Variants in ZNF407 observed in about 807,000 individuals in gnomAD.
ZNF407 encodes zinc finger protein 407.
A neutral mutation model predicts 131.2 loss-of-function variants in ZNF407; 17 were observed. The ratio of observed to expected loss-of-function variants is 0.13; its 90% confidence interval spans 0.09 to 0.19. The LOEUF (loss-of-function observed/expected upper bound fraction) is 0.19, where lower values mean the gene tolerates loss of function less well. ZNF407 is among the 10% of genes least tolerant of loss of function. ZNF407 has a pLI of 1.00. For missense variants in ZNF407, 2,681 were observed against 2,830.6 expected, an observed-to-expected ratio of 0.95 and a Z score of 1.20; for synonymous variants, 1,156 against 1,062.0, an observed-to-expected ratio of 1.09 and a Z score of -1.72.
At chr18:74,818,679 C>T (rs1208513097) in intron 4 of ZNF407, among the ~76,000 whole-genome samples, 1 of 152,128 alleles carries the variant, frequency 6.6e-6, no homozygotes, top group African/African-American at 2.4e-5. Flanking sequence ...AAATCAAATG[C>T]AAAATATAGC....
At chr18:74,788,039 G>A (rs1223515705) in intron 4 of ZNF407, among the ~76,000 whole-genome samples, 1 of 152,170 alleles carries the variant, frequency 6.6e-6, no homozygotes, top group Non-Finnish European at 1.5e-5. Context: ...ATATGATTGA[G>A]TTTTCCTCTT....
At chr18:74,741,255 TACAC>T (rs1275235981) in intron 3 of ZNF407, among the ~76,000 whole-genome samples, 1 of 152,070 alleles carries the variant, frequency 6.6e-6, no homozygotes, top group African/African-American at 2.4e-5. Flanking sequence ...CACACATACA[TACAC>T]ACACTTATGT....
intron 8 of ZNF407, among the ~76,000 whole-genome samples, chr18:74,973,560 T>C (rs1398976036): frequency 6.6e-6 from 1 of 152,222 alleles, no homozygotes; most frequent in East Asian, 1.9e-4. Context: ...TCCAGTTTTA[T>C]AATTATTACA....
chr18:74,798,801 G>T (rs868829178), intron 4 of ZNF407, among the ~76,000 whole-genome samples: 42 of 152,040 alleles, frequency 2.8e-4, no homozygotes, highest in African/African-American at 7.7e-4. Flanking sequence ...TTTTTTTCTT[G>T]CTTTCAAACT....
At chr18:74,935,931 C>T (rs550261808) in intron 8 of ZNF407, among the ~76,000 whole-genome samples, 2 of 152,108 alleles carry the variant, frequency 1.3e-5, no homozygotes, top group Non-Finnish European at 2.9e-5. Flanking sequence ...ATATTTCTGG[C>T]CTTTTCTCCC....
chr18:74,630,055 T>G (rs1308861978), intron 1 of ZNF407, among the ~76,000 whole-genome samples: 1 of 152,180 alleles, frequency 6.6e-6, no homozygotes, highest in Non-Finnish European at 1.5e-5. Flanking sequence ...TAAAAGAGCT[T>G]GAGCACGAAT....
chr18:74,841,031 C>G (rs1481801601), intron 4 of ZNF407, among the ~76,000 whole-genome samples: 1 of 152,212 alleles, frequency 6.6e-6, no homozygotes, highest in Admixed American at 6.5e-5. Flanking sequence ...GTTGTCACCT[C>G]TCAGGCCCAC....
At chr18:74,808,257 A>C (rs1970143298) in intron 4 of ZNF407, among the ~76,000 whole-genome samples, 1 of 152,138 alleles carries the variant, frequency 6.6e-6, no homozygotes, top group Non-Finnish European at 1.5e-5. Flanking sequence ...CAGGTGATCC[A>C]CCGGCCTTGG....
At chr18:74,774,818 G>A (rs1418834894) in intron 3 of ZNF407, among the ~76,000 whole-genome samples, 2 of 152,176 alleles carry the variant, frequency 1.3e-5, no homozygotes, top group African/African-American at 4.8e-5. Flanking sequence ...GTAGAAAAAT[G>A]TCTTTCTTTG....
intron 4 of ZNF407, among the ~76,000 whole-genome samples, chr18:74,836,917 A>G (rs1161085056): frequency 6.6e-6 from 1 of 152,016 alleles, no homozygotes. Flanking sequence ...TGCCCTGGGG[A>G]AGCTTTTATT....
At chr18:74,655,739 A>C (rs1307606665) in intron 3 of ZNF407, among the ~76,000 whole-genome samples, 2 of 152,150 alleles carry the variant, frequency 1.3e-5, no homozygotes, top group Non-Finnish European at 2.9e-5. Context: ...ACACACATGC[A>C]TCTGTTCATG....
intron 4 of ZNF407, among the ~76,000 whole-genome samples, chr18:74,812,586 T>A (rs187242898): frequency 6.6e-6 from 1 of 152,150 alleles, no homozygotes; most frequent in Non-Finnish European, 1.5e-5. Flanking sequence ...TGTGAGCGTG[T>A]GTGTGTGTGT....
rs546033895 is a variant in ZNF407 at position 74,767,877 on chromosome 18, A to G, written c.4803-13551A>G. 2.3e-3 allele frequency among the ~76,000 whole-genome samples: 326 copies of G among 141,884 alleles called. 1 individual carries two copies. Among genetic ancestry groups the G allele is most frequent in the Non-Finnish European group, 3.4e-3 (226 of 66,318 alleles). 93.1% of individuals were successfully genotyped at this position (141,884 alleles called of 152,430 possible). A position where few individuals can be genotyped will look rare whatever the true frequency, so the allele number is the denominator to read the frequency against. Reference sequence around the variant, plus strand: ...GAGACGGGGTTTCACCGTGTTTGCCAGGATGGTCTCGATTTCCTGACCTCA... The same window carrying G: ...GAGACGGGGTTTCACCGTGTTTGCCGGGATGGTCTCGATTTCCTGACCTCA... On this transcript the variant is annotated intron_variant, in intron 3 of 8. Transcript: ENST00000299687.
chr18:74,660,800 A>G (rs1476366995), intron 3 of ZNF407, among the ~76,000 whole-genome samples: 1 of 152,166 alleles, frequency 6.6e-6, no homozygotes, highest in Non-Finnish European at 1.5e-5. Context: ...AAGGGCAATG[A>G]ATCTTTCTTT....
chr18:74,931,544 A>G (rs574734330), intron 8 of ZNF407, among the ~76,000 whole-genome samples: 2 of 152,102 alleles, frequency 1.3e-5, no homozygotes, highest in Admixed American at 1.3e-4. Context: ...GGCAATTATT[A>G]ATAGAGAGGC....
chr18:74,640,078 G>T (rs1295658012), intron 2 of ZNF407, among the ~76,000 whole-genome samples: 1 of 151,988 alleles, frequency 6.6e-6, no homozygotes, highest in African/African-American at 2.4e-5. Flanking sequence ...TTTTAAACTG[G>T]TTTTTACAAT....
chr18:74,693,511 A>G (rs1280703924), intron 3 of ZNF407, among the ~76,000 whole-genome samples: 1 of 152,102 alleles, frequency 6.6e-6, no homozygotes, highest in Non-Finnish European at 1.5e-5. Flanking sequence ...GTTTTGAAGG[A>G]AATTTTTGTT....
chr18:74,872,791 A>T (rs1268059151), intron 4 of ZNF407, among the ~76,000 whole-genome samples: 3 of 151,282 alleles, frequency 2.0e-5, no homozygotes. Context: ...GAAAAGATAT[A>T]CTAGTGACTC....
rs148551405 is a variant in ZNF407 at position 75,065,453 on chromosome 18, T to C, written c.*985T>C. On this transcript the variant is annotated 3_prime_UTR_variant, in exon 9 of 9. Coordinates refer to ENST00000299687, the MANE Select transcript of ZNF407 (RefSeq NM_017757.3). ...TGCCAGCATGGTCTGTGTTTCCTTG[T>C]GGATTCACCTGTGGCCCTGCTGTGG... 3 of 152,368 alleles carry C rather than the reference T, an allele frequency of 2.0e-5. No individual in the cohort carries two copies. Among genetic ancestry groups the C allele is most frequent in the African/African-American group, 7.2e-5 (3 of 41,580 alleles). 9.4% of individuals were successfully genotyped at this position (152,368 alleles called of 1,614,324 possible).
Sources: allele counts gnomAD v4.1 joint callset (sites outside exome capture counted in the v4.1 genomes callset), GRCh38; gene constraint gnomAD v4.1.1; transcripts MANE v1.5; gene names NCBI Gene and HGNC (gene_info 2026-07-23, HGNC 2026-07-21).